The following KLHL3 variants were observed in gnomAD, a reference collection of about 807,000 sequenced individuals.
The protein encoded by KLHL3 is kelch-like protein 3.
KLHL3 carries 19 observed loss-of-function variants against 70.5 expected under a neutral mutation model. The ratio of observed to expected loss-of-function variants is 0.27; its 90% CI spans 0.19 to 0.40. KLHL3 has a LOEUF of 0.40. Ranked by LOEUF, KLHL3 falls within the 10% of genes least tolerant of loss-of-function variation. The pLI, the probability that KLHL3 is intolerant of heterozygous loss-of-function variation, is 1.00. For missense variants in KLHL3, 512 were observed against 771.1 expected, an observed-to-expected ratio of 0.66 and a Z score of 3.98; for synonymous variants, 258 against 290.3, an observed-to-expected ratio of 0.89 and a Z score of 1.13.
intron 10 of KLHL3, 140 bp from the exon 11 acceptor site, chr5:137,637,535 A>C: frequency 3.0e-6 from 2 of 674,486 alleles, no homozygotes; most frequent in Non-Finnish European, 5.3e-6. Flanking sequence ...CTGCATCACC[A>C]TGCGGCCTGT....
chr5:137,630,007 A>C, intron 12 of KLHL3: 1 of 152,264 alleles, frequency 6.6e-6, no homozygotes, highest in Middle Eastern at 3.4e-3. Context: ...CTGGACCTAG[A>C]GCCACAGGGG....
chr5:137,670,053 T>C (rs2149902721), intron 6 of KLHL3, among the ~76,000 whole-genome samples: 1 of 152,156 alleles, frequency 6.6e-6, no homozygotes, highest in East Asian at 1.9e-4. Context: ...AAGCTCGCCA[T>C]CTCCTGTGGG....
chr5:137,621,759 TAGAG>T lies in KLHL3; in HGVS notation c.*335_*338del, dbSNP rs1750307854. ...GCTCACCCCCCAACTTAGAGAAACA[TAGAG>T]AAACACCATGGTCTACACACACACA... is the stretch of plus-strand genomic sequence containing the variant. On this transcript the variant is annotated 3_prime_UTR_variant, in exon 15 of 15. Coordinates refer to ENST00000309755, the MANE Select transcript of KLHL3 (RefSeq NM_017415.3). 3.4e-6 allele frequency: 1 copy of T among 292,912 alleles called. No individual in the cohort carries two copies. The highest frequency in any genetic ancestry group is 1.1e-4 in the South Asian group (1 of 9,124). The allele number at this position is 292,912 out of a possible 1,614,324, so 18.1% of individuals were successfully genotyped here. A position where few individuals can be genotyped will look rare whatever the true frequency, so the allele number is the denominator to read the frequency against.
At chr5:137,701,152 C>A (rs995330696) in intron 3 of KLHL3, among the ~76,000 whole-genome samples, 1 of 152,130 alleles carries the variant, frequency 6.6e-6, no homozygotes, top group African/African-American at 2.4e-5. Context: ...CCTACCTCAG[C>A]CTCCCGAGTA....
At chr5:137,703,626 C>T (rs1752615125) in intron 3 of KLHL3, among the ~76,000 whole-genome samples, 1 of 152,114 alleles carries the variant, frequency 6.6e-6, no homozygotes, top group South Asian at 2.1e-4. Context: ...CCCTATATCA[C>T]CTGTGAAATA....
In KLHL3 at chr5:137,662,966, A is replaced by G. The variant is rs184992485; in HGVS notation, c.637-935T>C. Reference sequence around the variant, plus strand: ...TGGTTGTAAAGGGATAAAAAAATGAAACAACCTAAAGTCCACTAATAGAGA... The same window carrying G: ...TGGTTGTAAAGGGATAAAAAAATGAGACAACCTAAAGTCCACTAATAGAGA... On this transcript the variant is annotated intron_variant, in intron 6 of 14. Coordinates refer to ENST00000309755, the MANE Select transcript of KLHL3 (RefSeq NM_017415.3). Among the ~76,000 whole-genome samples the G allele has an allele frequency of 5.8e-4, 88 of 152,254 alleles. 1 individual carries two copies. In the East Asian group the frequency reaches 0.011, roughly 19 times the overall value.
In KLHL3 at chr5:137,662,033, T is replaced by C; in HGVS notation, c.637-2A>G. Reference sequence around the variant, plus strand: ...CCATGAGATCACAGCTTCAAACACCTATAAAGAAAAGCAACATGGGCAACT... The same window carrying C: ...CCATGAGATCACAGCTTCAAACACCCATAAAGAAAAGCAACATGGGCAACT... On this transcript the variant is annotated splice_acceptor_variant, in intron 6 of 14. Transcript: ENST00000309755. LOFTEE classifies it high-confidence loss of function. The C allele has an allele frequency of 6.4e-7, 1 of 1,554,850 alleles. No homozygotes were observed. The highest frequency in any genetic ancestry group is 8.8e-7 in the Non-Finnish European group (1 of 1,137,450).
chr5:137,658,627 A>G (rs1038160181), intron 7 of KLHL3, among the ~76,000 whole-genome samples: 1 of 152,214 alleles, frequency 6.6e-6, no homozygotes, highest in Non-Finnish European at 1.5e-5. Flanking sequence ...AGCCATCCTG[A>G]AAGCCTCTAA....
At chr5:137,684,466 A>C (rs1205443300) in intron 5 of KLHL3, among the ~76,000 whole-genome samples, 2 of 150,498 alleles carry the variant, frequency 1.3e-5, no homozygotes, top group Admixed American at 6.6e-5. Context: ...TCAATCAATC[A>C]AAAAAAGGCC....
At chr5:137,667,867 A>G (rs1440455390) in intron 6 of KLHL3, among the ~76,000 whole-genome samples, 2 of 152,216 alleles carry the variant, frequency 1.3e-5, no homozygotes, top group African/African-American at 4.8e-5. Context: ...GACTAACTTT[A>G]TTAATAACAA....
chr5:137,648,600 T>C (rs945181698), intron 8 of KLHL3, among the ~76,000 whole-genome samples: 3 of 152,194 alleles, frequency 2.0e-5, no homozygotes, highest in Non-Finnish European at 2.9e-5. Flanking sequence ...GGTGAATGTG[T>C]GGGAGCCAAG....
chr5:137,628,206 C>T, intron 13 of KLHL3, 91 bp downstream of exon 13: 2 of 1,494,512 alleles, frequency 1.3e-6, no homozygotes, highest in Non-Finnish European at 1.8e-6. Context: ...AGCTCCAGAC[C>T]CTGGGAAATC....
At chr5:137,651,312 G>C (rs1194295256) in intron 8 of KLHL3, among the ~76,000 whole-genome samples, 2 of 152,250 alleles carry the variant, frequency 1.3e-5, no homozygotes, top group Non-Finnish European at 2.9e-5. Context: ...GGGCTACTCA[G>C]TAATCTTCTG....
chr5:137,691,910 G>A (rs933321353), intron 5 of KLHL3, among the ~76,000 whole-genome samples: 14 of 151,996 alleles, frequency 9.2e-5, no homozygotes, highest in Admixed American at 5.9e-4. Context: ...GAGCCACTGC[G>A]CCCAGCCAGT....
intron 8 of KLHL3, among the ~76,000 whole-genome samples, chr5:137,642,941 G>C (rs990032959): frequency 3.3e-5 from 5 of 151,836 alleles, no homozygotes; most frequent in African/African-American, 1.2e-4. Context: ...GGGAAGTAGA[G>C]GGTACATGCA....
Position 137,710,340 on chromosome 5 carries a change from C to T in KLHL3, c.135-484G>A, listed in dbSNP as rs182856612. ...CAACACCAGTAAGAGGCAAGCCGGC[C>T]TTAGGTATTTCTCTTTCGACCCAGA... On this transcript the variant is annotated intron_variant, in intron 2 of 14. Transcript: ENST00000309755. Among the ~76,000 whole-genome samples the T allele has an allele frequency of 7.2e-5, 11 of 152,266 alleles. No individual in the cohort carries two copies. The East Asian group carries it at 2.1e-3, about 29-fold the overall frequency.
intron 12 of KLHL3, chr5:137,628,692 A>G (rs543520535): frequency 4.6e-6 from 1 of 215,768 alleles, no homozygotes; most frequent in Non-Finnish European, 8.8e-6. Flanking sequence ...AAAAAACATT[A>G]AAAAATATAT....
At chr5:137,731,698 AG>A (rs961148172) in intron 1 of KLHL3, among the ~76,000 whole-genome samples, 5 of 152,156 alleles carry the variant, frequency 3.3e-5, no homozygotes, top group Non-Finnish European at 7.4e-5. Context: ...CCTCTCAAGC[AG>A]GGGCATCTCT....
chr5:137,630,740 G>A (rs1750614131), intron 12 of KLHL3, among the ~76,000 whole-genome samples: 1 of 152,164 alleles, frequency 6.6e-6, no homozygotes, highest in Non-Finnish European at 1.5e-5. Context: ...TTAGAGGCCA[G>A]AATAAGGGAA....
Sources: allele counts gnomAD v4.1 joint callset (sites outside exome capture counted in the v4.1 genomes callset), GRCh38; gene constraint gnomAD v4.1.1; transcripts MANE v1.5; gene names NCBI Gene and HGNC (gene_info 2026-07-23, HGNC 2026-07-21).